Variants in MELK observed in about 807,000 individuals in gnomAD.
MELK encodes maternal embryonic leucine zipper kinase, also known as pEg3 kinase.
MELK carries 81 observed loss-of-function variants against 85.0 expected under a neutral mutation model. The observed-to-expected ratio is 0.95, with a 90% confidence interval of 0.80 to 1.15. The LOEUF (loss-of-function observed/expected upper bound fraction) is 1.15. MELK is among the 50% of genes most tolerant of loss of function. MELK has a pLI of 0.00. For synonymous variants in MELK, 252 were observed against 265.0 expected (o/e 0.95, Z 0.48); for missense variants, 754 against 777.5 (o/e 0.97, Z 0.36).
chr9:36,590,122 G>C (rs546109667), intron 4 of MELK, among the ~76,000 whole-genome samples: 34 of 151,948 alleles, frequency 2.2e-4, no homozygotes, highest in Non-Finnish European at 3.4e-4. Flanking sequence ...GGGGTTTCAC[G>C]TGTTAGCCAG....
Position 36,607,674 on chromosome 9 carries a change from G to A in MELK, c.666+1G>A. ...AATGGCTTTATACAAGAAGATTATG[G>A]TGAGTATTACAAGGCATAGAATTTC... On this transcript the variant is annotated splice_donor_variant, in intron 8 of 17. Transcript: ENST00000298048. LOFTEE classifies it high-confidence loss of function. 2 of 1,575,702 alleles carry A rather than the reference G, an allele frequency of 1.3e-6. No homozygotes were observed. The highest frequency in any genetic ancestry group is 1.7e-6 in the Non-Finnish European group (2 of 1,145,340).
chr9:36,595,579 A>G (rs970964028), intron 5 of MELK, among the ~76,000 whole-genome samples: 14 of 147,834 alleles, frequency 9.5e-5, no homozygotes, highest in African/African-American at 3.2e-4. Context: ...GTATCTGTCA[A>G]TTGTGTGTGA....
intron 10 of MELK, among the ~76,000 whole-genome samples, chr9:36,636,411 A>G (rs78381923): frequency 0.13 from 20,156 of 152,042 alleles, 1,424 homozygotes; most frequent in East Asian, 0.28. Context: ...CTGAGGCAGG[A>G]GAATCACTTG....
chr9:36,597,254 A>G lies in MELK; in HGVS notation c.438A>G (p.Leu146=). 1.9e-6 allele frequency: 3 copies of G among 1,613,848 alleles called. No homozygotes were observed. Among genetic ancestry groups the G allele is most frequent in the South Asian group, 1.1e-5 (1 of 91,042 alleles). ...TGCTGTTTGATGAATATCATAAATT[A>G]AAGCTGATTGACTTTGGTCTCTGTG... ...ENLLFDEYHK[L]KLIDFGLCAK... Residue 146 remains leucine, a synonymous_variant, in exon 6 of 18, where the codon TTA becomes TTG. Transcript: ENST00000298048.
chr9:36,643,981 T>TGGACA (rs1830004598), intron 11 of MELK, among the ~76,000 whole-genome samples: 1 of 150,050 alleles, frequency 6.7e-6, no homozygotes, highest in African/African-American at 2.4e-5. Flanking sequence ...GCACAAAGAA[T>TGGACA]GGACAGAGTT....
chr9:36,675,018 G>C lies in MELK; in HGVS notation c.1778+81G>C. 3.1e-6 allele frequency: 3 copies of C among 962,996 alleles called. No individual in the cohort carries two copies. The South Asian group carries it at 4.3e-5, about 14-fold the overall frequency. 59.7% of individuals were successfully genotyped at this position (962,996 alleles called of 1,614,324 possible). The stretch of plus-strand genomic sequence containing the variant: ...AAATAGGAGTTGGTTGGGCGCGGTG[G>C]CTCACGCCTGTAATCCCAGCACTTT... On this transcript the variant is annotated intron_variant, in intron 17 of 17. Transcript: ENST00000298048.
At chr9:36,667,866 CAA>C (rs1439780649) in intron 14 of MELK, among the ~76,000 whole-genome samples, 3 of 152,074 alleles carry the variant, frequency 2.0e-5, no homozygotes, top group Admixed American at 6.6e-5. Flanking sequence ...CTCCCAGGTT[CAA>C]GAGATTCTCC....
intron 12 of MELK, among the ~76,000 whole-genome samples, chr9:36,652,558 C>T (rs1830813849): frequency 2.0e-5 from 3 of 151,178 alleles, no homozygotes; most frequent in South Asian, 4.2e-4. Context: ...GGTGAAACCC[C>T]GTCTGTACTA....
At chr9:36,629,043 TTTTAGTAGAAACAA>T (rs1828246574) in intron 8 of MELK, among the ~76,000 whole-genome samples, 1 of 151,752 alleles carries the variant, frequency 6.6e-6, no homozygotes, top group African/African-American at 2.4e-5. Context: ...ATTTTTGTAT[TTTTAGTAGAAACAA>T]GGTTTCCCTG....
At chr9:36,675,177 C>T (rs965430780) in intron 17 of MELK, among the ~76,000 whole-genome samples, 9 of 152,048 alleles carry the variant, frequency 5.9e-5, no homozygotes, top group South Asian at 4.1e-4. Flanking sequence ...GTTCCAGCTA[C>T]GTGGGAGGCT....
intron 8 of MELK, among the ~76,000 whole-genome samples, chr9:36,613,710 T>C (rs1410397891): frequency 5.3e-5 from 8 of 152,076 alleles, no homozygotes; most frequent in Admixed American, 4.6e-4. Context: ...GAGAAAAATA[T>C]TTCCGGCAGA....
At chr9:36,644,146 G>C (rs1422568710) in intron 11 of MELK, among the ~76,000 whole-genome samples, 2 of 151,690 alleles carry the variant, frequency 1.3e-5, no homozygotes, top group Non-Finnish European at 2.9e-5. Context: ...GCATTATCAT[G>C]ATTTCTGGTG....
intron 8 of MELK, among the ~76,000 whole-genome samples, chr9:36,620,717 A>G (rs575053466): frequency 6.6e-6 from 1 of 151,446 alleles, no homozygotes; most frequent in African/African-American, 2.4e-5. Context: ...CACCCAGCTA[A>G]TTTTTGTATT....
chr9:36,583,336 T>G (rs1162156838), intron 2 of MELK, among the ~76,000 whole-genome samples: 1 of 152,094 alleles, frequency 6.6e-6, no homozygotes, highest in Non-Finnish European at 1.5e-5. Flanking sequence ...AACTTTATAT[T>G]GTGTTCTAGC....
intron 1 of MELK, among the ~76,000 whole-genome samples, chr9:36,574,896 G>T (rs910997682): frequency 1.1e-4 from 17 of 152,078 alleles, no homozygotes; most frequent in African/African-American, 4.1e-4. Context: ...CAGCACTTTG[G>T]GAGGCCGAGG....
intron 8 of MELK, among the ~76,000 whole-genome samples, chr9:36,628,812 T>C (rs1210726399): frequency 6.6e-6 from 1 of 152,076 alleles, no homozygotes; most frequent in African/African-American, 2.4e-5. Context: ...AGAAAGATTC[T>C]AAAAATAATC....
intron 8 of MELK, among the ~76,000 whole-genome samples, chr9:36,621,966 T>A (rs927965538): frequency 6.6e-6 from 1 of 152,204 alleles, no homozygotes; most frequent in African/African-American, 2.4e-5. Context: ...TAATAGTATA[T>A]GTGAGATTCA....
At chr9:36,583,419 TTTTTATTACAAAGTTTGA>T in intron 2 of MELK, among the ~76,000 whole-genome samples, 190 bp from the exon 3 acceptor site, 1 of 151,872 alleles carries the variant, frequency 6.6e-6, no homozygotes, top group East Asian at 1.9e-4. Context: ...TTCTGTTTTT[TTTTTATTACAAAGTTTGA>T]GATACACTAT....
At chr9:36,644,005 C>T (rs1048308455) in intron 11 of MELK, among the ~76,000 whole-genome samples, 1 of 151,702 alleles carries the variant, frequency 6.6e-6, no homozygotes, top group South Asian at 2.1e-4. Flanking sequence ...ATTTTGACTA[C>T]TTTAAAGTTC....
Sources: gnomAD v4.1 joint callset for allele counts (sites outside exome capture counted in the v4.1 genomes callset) on GRCh38, gnomAD v4.1.1 for gene constraint, MANE v1.5 for transcripts, NCBI Gene and HGNC (gene_info 2026-07-23, HGNC 2026-07-21) for gene names.